The following MOSPD2 variants were observed in gnomAD, a reference collection of about 807,000 sequenced individuals.
MOSPD2 encodes motile sperm domain-containing protein 2.
A neutral mutation model predicts 41.7 loss-of-function variants in MOSPD2; 5 were observed. That is an observed-to-expected ratio of 0.12 (90% CI 0.06 to 0.25). The LOEUF is 0.25. Among genes scored for constraint, MOSPD2 ranks in the 10% least tolerant of loss-of-function variants. The pLI, the probability that MOSPD2 is intolerant of heterozygous loss-of-function variation, is 1.00. For synonymous variants in MOSPD2, 115 were observed against 126.9 expected (o/e 0.91, Z 0.63); for missense variants, 282 against 375.2 (o/e 0.75, Z 2.05).
At chrX:14,889,427 C>T (rs949533662) in intron 2 of MOSPD2, among the ~76,000 whole-genome samples, 7 of 111,369 alleles carry the variant, frequency 6.3e-5, no homozygotes, top group African/African-American at 2.3e-4. Context: ...TTTTTCTTAC[C>T]TTCAATGCTC....
intron 5 of MOSPD2, among the ~76,000 whole-genome samples, chrX:14,898,069 C>T (rs1018076690): frequency 1.8e-5 from 2 of 111,826 alleles, no homozygotes; most frequent in African/African-American, 6.5e-5. Context: ...TATTCTTTGC[C>T]TGGTAACCAA....
chrX:14,904,656 G>T (rs2092578757), intron 7 of MOSPD2, among the ~76,000 whole-genome samples: 2 of 111,595 alleles, frequency 1.8e-5, no homozygotes, highest in Admixed American at 9.5e-5. Context: ...TTTAGATTAA[G>T]GTCAACCACA....
chrX:14,921,757 C>T lies in MOSPD2; in HGVS notation c.*1948C>T, dbSNP rs982059700. The T allele has an allele frequency of 4.6e-5, 6 of 130,769 alleles. No homozygotes were observed. In the East Asian group the frequency reaches 8.0e-4, roughly 18 times the overall value. The allele number at this position is 130,769 out of a possible 1,213,427, so 10.8% of individuals were successfully genotyped here. On this transcript the variant is annotated 3_prime_UTR_variant, in exon 15 of 15. Coordinates refer to ENST00000380492, the MANE Select transcript of MOSPD2 (RefSeq NM_152581.4). ...CACTATAAAATCAAAGGCATCTAAA[C>T]GTTTGTACTTGTCTTGATTAATCAT...
chrX:14,897,293 C>T (rs2147491242), intron 5 of MOSPD2, 55 bp downstream of exon 5: 3 of 1,016,073 alleles, frequency 3.0e-6, no homozygotes, highest in East Asian at 3.1e-5. Context: ...TCCTCCCTTT[C>T]TCCTGTCCTT....
chrX:14,894,022 A>G (rs763730779), intron 3 of MOSPD2, among the ~76,000 whole-genome samples: 7 of 112,222 alleles, frequency 6.2e-5, no homozygotes, highest in Non-Finnish European at 1.1e-4. Flanking sequence ...CTGCCTTGCT[A>G]TGTTGGTCCT....
rs2092610919 is a variant in MOSPD2, at chrX:14,922,160, A to G, written c.*2351A>G. 1 of 111,677 alleles carries G rather than the reference A, an allele frequency of 9.0e-6. No individual in the cohort carries two copies. The highest frequency in any genetic ancestry group is 1.9e-5 in the Non-Finnish European group (1 of 53,179). 9.2% of individuals were successfully genotyped at this position (111,677 alleles called of 1,213,427 possible). On this transcript the variant is annotated 3_prime_UTR_variant, in exon 15 of 15. Transcript: ENST00000380492. ...AAAATATATTCCTAGAATTGTTGCC[A>G]GTGTAATTTCTCTAATGTTCTGGTG...
At chrX:14,905,318 ATGT>A (rs199554135) in intron 7 of MOSPD2, among the ~76,000 whole-genome samples, 1,998 of 111,069 alleles carry the variant, frequency 0.018, 21 homozygotes, top group Admixed American at 0.027. Context: ...ATGAAAAGAC[ATGT>A]TGTTCATGGA....
At chrX:14,886,854 C>T (rs1367959709) in intron 2 of MOSPD2, among the ~76,000 whole-genome samples, 2 of 112,112 alleles carry the variant, frequency 1.8e-5, no homozygotes, top group African/African-American at 6.5e-5. Flanking sequence ...TGAAGAATCA[C>T]TGCTATAAAC....
chrX:14,873,798 GAGCA>G, intron 2 of MOSPD2, 40 bp downstream of exon 2: 1 of 1,087,715 alleles, frequency 9.2e-7, no homozygotes. Flanking sequence ...GGTGTGCAGT[GAGCA>G]TCCCCAACTT....
chrX:14,902,918 T>G, intron 6 of MOSPD2, 48 bp from the exon 7 acceptor site: 1 of 935,916 alleles, frequency 1.1e-6, no homozygotes, highest in Non-Finnish European at 1.5e-6. Context: ...AGTGATATTA[T>G]TATAGAGGTA....
Position 14,920,354 on chromosome X carries a change from TATTCTTTTGGA to T in MOSPD2, c.*548_*558del, listed in dbSNP as rs1279837982. ...GAGAATTCCTCCCAGTGATGGTCAG[TATTCTTTTGGA>T]ATGTAAACCGATTTAATGCCAAACC... is the stretch of plus-strand genomic sequence containing the variant. On this transcript the variant is annotated 3_prime_UTR_variant, in exon 15 of 15. Coordinates refer to ENST00000380492, the MANE Select transcript of MOSPD2 (RefSeq NM_152581.4). 9 of 752,034 alleles carry T rather than the reference TATTCTTTTGGA, an allele frequency of 1.2e-5. No homozygotes were observed. In the African/African-American group the frequency reaches 2.1e-4, roughly 17 times the overall value. The allele number at this position is 752,034 out of a possible 1,213,427, so 62.0% of individuals were successfully genotyped here. A position where few individuals can be genotyped will look rare whatever the true frequency, so the allele number is the denominator to read the frequency against.
intron 2 of MOSPD2, among the ~76,000 whole-genome samples, chrX:14,888,541 C>T (rs980760209): frequency 1.8e-5 from 2 of 111,353 alleles, no homozygotes; most frequent in African/African-American, 3.3e-5. Context: ...TGTGAGGCCT[C>T]CCTAGCCATG....
chrX:14,918,943 C>T (rs898828461), intron 14 of MOSPD2, among the ~76,000 whole-genome samples, 161 bp downstream of exon 14: 22 of 112,016 alleles, frequency 2.0e-4, no homozygotes, highest in Non-Finnish European at 4.1e-4. Context: ...GTAAGCAGGC[C>T]AAGTGTGGTG....
At chrX:14,891,288 C>T (rs1469843839) in intron 2 of MOSPD2, among the ~76,000 whole-genome samples, 1 of 111,510 alleles carries the variant, frequency 9.0e-6, no homozygotes, top group Non-Finnish European at 1.9e-5. Context: ...AAGGAAGGTT[C>T]AGTTACAGAA....
intron 6 of MOSPD2, among the ~76,000 whole-genome samples, chrX:14,902,385 G>A (rs1022050579): frequency 1.8e-5 from 2 of 111,738 alleles, no homozygotes; most frequent in Admixed American, 9.5e-5. Context: ...TCAACTCAGT[G>A]TGTAAATAAT....
At chrX:14,900,749 G>T in intron 6 of MOSPD2, 114 bp downstream of exon 6, 1 of 363,696 alleles carries the variant, frequency 2.7e-6, no homozygotes, top group Admixed American at 5.5e-5. Context: ...TTTGTTTTCT[G>T]ATGAAGAATT....
At chrX:14,891,752 A>T (rs1274369583) in intron 2 of MOSPD2, among the ~76,000 whole-genome samples, 1 of 108,784 alleles carries the variant, frequency 9.2e-6, no homozygotes, top group Non-Finnish European at 1.9e-5. Flanking sequence ...TTTTTAGTAG[A>T]GACGGGGTTT....
At chrX:14,883,399 C>T (rs1396492903) in intron 2 of MOSPD2, among the ~76,000 whole-genome samples, 3 of 111,658 alleles carry the variant, frequency 2.7e-5, no homozygotes, top group African/African-American at 9.8e-5. Flanking sequence ...TTGATAAGAT[C>T]TCTAGGAGAT....
chrX:14,909,313 G>GATAT (rs2092587633), intron 8 of MOSPD2, among the ~76,000 whole-genome samples: 2 of 111,129 alleles, frequency 1.8e-5, no homozygotes, highest in Admixed American at 1.9e-4. Context: ...AATTTGCAGG[G>GATAT]ATATGTATTA....
Sources: allele counts gnomAD v4.1 joint callset (sites outside exome capture counted in the v4.1 genomes callset), GRCh38; gene constraint gnomAD v4.1.1; transcripts MANE v1.5; gene names NCBI Gene and HGNC (gene_info 2026-07-23, HGNC 2026-07-21).